The following OPCML variants were observed in gnomAD, a reference collection of about 807,000 sequenced individuals.
OPCML encodes opioid-binding protein/cell adhesion molecule.
In OPCML, 13 loss-of-function variants were observed where a neutral mutation model predicts 37.8. The ratio of observed to expected loss-of-function variants is 0.34; its 90% CI spans 0.22 to 0.55. The LOEUF (loss-of-function observed/expected upper bound fraction) is 0.55, where lower values mean the gene tolerates loss of function less well. OPCML is among the 20% of genes least tolerant of loss of function. OPCML has a pLI of 0.91. For synonymous variants in OPCML, 176 were observed against 168.8 expected, an observed-to-expected ratio of 1.04 and a Z score of -0.33; for missense variants, 341 against 435.6, an observed-to-expected ratio of 0.78 and a Z score of 1.93.
At chr11:133,098,644 A>G (rs1186506990) in intron 1 of OPCML, among the ~76,000 whole-genome samples, 2 of 152,202 alleles carry the variant, frequency 1.3e-5, no homozygotes, top group Admixed American at 6.5e-5. Context: ...AAAATCTCTT[A>G]GCAAACTAGG....
chr11:133,247,947 C>T (rs926856657), intron 1 of OPCML, among the ~76,000 whole-genome samples: 1 of 152,120 alleles, frequency 6.6e-6, no homozygotes, highest in Non-Finnish European at 1.5e-5. Flanking sequence ...TAGTTGCTAA[C>T]ATTAATACTA....
intron 1 of OPCML, among the ~76,000 whole-genome samples, chr11:133,175,223 CAGA>C (rs887214939): frequency 2.0e-5 from 3 of 152,138 alleles, no homozygotes; most frequent in South Asian, 2.1e-4. Flanking sequence ...TGTGGGCAGA[CAGA>C]AGAAGACCAC....
intron 2 of OPCML, among the ~76,000 whole-genome samples, chr11:132,878,102 A>G (rs546739332): frequency 1.3e-5 from 2 of 152,190 alleles, no homozygotes; most frequent in South Asian, 4.2e-4. Flanking sequence ...GAATCGCTTG[A>G]ACCCAGGAGG....
chr11:132,920,508 T>G (rs896730894), intron 2 of OPCML, among the ~76,000 whole-genome samples: 1 of 152,178 alleles, frequency 6.6e-6, no homozygotes. Context: ...CTGTCTTGGA[T>G]CGCAGCCCCC....
chr11:132,791,259 A>G (rs1937888971), intron 2 of OPCML, among the ~76,000 whole-genome samples: 1 of 152,154 alleles, frequency 6.6e-6, no homozygotes. Context: ...CCTGAGTCTG[A>G]TACTTGTTTT....
chr11:133,519,009 G>A (rs909008616), intron 1 of OPCML, among the ~76,000 whole-genome samples: 2 of 152,094 alleles, frequency 1.3e-5, no homozygotes, highest in African/African-American at 4.8e-5. Flanking sequence ...AACACGGGAG[G>A]TCCTCGGCCC....
At chr11:132,935,277 C>G (rs1291430967) in intron 2 of OPCML, among the ~76,000 whole-genome samples, 1 of 152,138 alleles carries the variant, frequency 6.6e-6, no homozygotes. Flanking sequence ...TCTAATTACG[C>G]CTACTTTTCT....
At position 133,327,040 on chromosome 11, in the gene OPCML, G is replaced by A. The variant is rs1301721960; in HGVS notation, c.61+205224C>T. Among the ~76,000 whole-genome samples, 5 of 143,788 alleles carry A rather than the reference G, an allele frequency of 3.5e-5. No individual in the cohort carries two copies. The East Asian group carries it at 6.5e-4, about 19-fold the overall frequency. 94.3% of individuals were successfully genotyped at this position (143,788 alleles called of 152,430 possible). A position where few individuals can be genotyped will look rare whatever the true frequency, so the allele number is the denominator to read the frequency against. ...GGTGTGTGTATGTGGGTGTGGGTGC[G>A]TGTATGTGTGTGTGGGGTGTGGGTG... On this transcript the variant is annotated intron_variant, in intron 1 of 7. Coordinates refer to ENST00000524381, the MANE Select transcript of OPCML (RefSeq NM_001012393.5).
At chr11:133,126,665 T>A (rs1216699533) in intron 1 of OPCML, among the ~76,000 whole-genome samples, 1 of 152,182 alleles carries the variant, frequency 6.6e-6, no homozygotes, top group Non-Finnish European at 1.5e-5. Context: ...CAATCCCATA[T>A]AAGCAGCCAC....
chr11:132,679,448 G>C (rs754486775), intron 2 of OPCML, among the ~76,000 whole-genome samples: 6 of 152,192 alleles, frequency 3.9e-5, no homozygotes, highest in Non-Finnish European at 5.9e-5. Flanking sequence ...CTCCAACGTG[G>C]ATCAACCTTG....
chr11:132,661,412 A>G (rs1446271904), intron 2 of OPCML, among the ~76,000 whole-genome samples: 23 of 152,184 alleles, frequency 1.5e-4, no homozygotes, highest in Non-Finnish European at 5.9e-5. Context: ...TCATGGCTTC[A>G]TGCTTTCTTC....
At chr11:133,404,297 A>G (rs577499601) in intron 1 of OPCML, among the ~76,000 whole-genome samples, 6 of 152,300 alleles carry the variant, frequency 3.9e-5, no homozygotes, top group Non-Finnish European at 8.8e-5. Context: ...ACCTCTCCCA[A>G]GATTTTATTT....
chr11:132,760,004 T>C (rs2917586), intron 2 of OPCML, among the ~76,000 whole-genome samples: 94,985 of 152,010 alleles, frequency 0.62, 30,339 homozygotes, highest in East Asian at 0.97. Context: ...TGTGTCTTTG[T>C]TCTCATTGGT....
chr11:132,677,343 A>G (rs1259845628), intron 2 of OPCML, among the ~76,000 whole-genome samples: 2 of 152,146 alleles, frequency 1.3e-5, no homozygotes, highest in African/African-American at 2.4e-5. Flanking sequence ...TCTAGATTCA[A>G]TGGAATTCCA....
intron 2 of OPCML, among the ~76,000 whole-genome samples, chr11:132,931,793 A>T (rs1421874960): frequency 6.6e-6 from 1 of 152,224 alleles, no homozygotes; most frequent in Non-Finnish European, 1.5e-5. Context: ...TGCAATCCAG[A>T]ATTGAAAGCT....
At chr11:133,488,203 C>G (rs995696849) in intron 1 of OPCML, among the ~76,000 whole-genome samples, 1 of 151,990 alleles carries the variant, frequency 6.6e-6, no homozygotes, top group African/African-American at 2.4e-5. Flanking sequence ...AGAAATGGAA[C>G]AAGACAAAGA....
At chr11:133,264,005 C>A (rs374061001) in intron 1 of OPCML, among the ~76,000 whole-genome samples, 23 of 152,286 alleles carry the variant, frequency 1.5e-4, no homozygotes, top group African/African-American at 3.4e-4. Context: ...ATTATTTTAT[C>A]TTTTGTTCTT....
intron 1 of OPCML, chr11:133,297,843 A>C (rs918801097): frequency 1.3e-5 from 2 of 152,160 alleles, no homozygotes; most frequent in Admixed American, 6.6e-5. Flanking sequence ...AGGTCAGCAA[A>C]AAAAGTTGAA....
chr11:132,556,886 C>T (rs1056414295), intron 3 of OPCML, among the ~76,000 whole-genome samples: 1 of 152,140 alleles, frequency 6.6e-6, no homozygotes, highest in Non-Finnish European at 1.5e-5. Context: ...TATTAAACTC[C>T]ACTTTGTCTT....
Sources: allele counts gnomAD v4.1 joint callset (sites outside exome capture counted in the v4.1 genomes callset), GRCh38; gene constraint gnomAD v4.1.1; transcripts MANE v1.5; gene names NCBI Gene and HGNC (gene_info 2026-07-23, HGNC 2026-07-21).